The following PRKCE variants were observed in gnomAD, a reference collection of about 807,000 sequenced individuals.
PRKCE encodes protein kinase C epsilon type.
In PRKCE, 16 loss-of-function variants were observed where a neutral mutation model predicts 85.4. The ratio of observed to expected loss-of-function variants is 0.19; its 90% CI spans 0.13 to 0.28. The LOEUF (loss-of-function observed/expected upper bound fraction) is 0.28. PRKCE is among the 10% of genes least tolerant of loss of function. The pLI, the probability that PRKCE is intolerant of heterozygous loss-of-function variation, is 1.00. For missense variants in PRKCE, 573 were observed against 975.2 expected, an observed-to-expected ratio of 0.59 and a Z score of 5.49; for synonymous variants, 388 against 371.5, an observed-to-expected ratio of 1.04 and a Z score of -0.51.
intron 14 of PRKCE, among the ~76,000 whole-genome samples, chr2:46,178,135 C>T (rs1002905663): frequency 1.3e-5 from 2 of 152,218 alleles, no homozygotes; most frequent in African/African-American, 4.8e-5. Context: ...TGGCACATGC[C>T]TGTAATCCCA....
At chr2:45,986,288 G>T (rs1327704169) in intron 6 of PRKCE, among the ~76,000 whole-genome samples, 1 of 152,238 alleles carries the variant, frequency 6.6e-6, no homozygotes, top group African/African-American at 2.4e-5. Flanking sequence ...GAGCCCAAGT[G>T]CTGTAGGCTA....
chr2:45,684,846 TG>T (rs1677176772), intron 1 of PRKCE, among the ~76,000 whole-genome samples: 1 of 152,172 alleles, frequency 6.6e-6, no homozygotes, highest in Non-Finnish European at 1.5e-5. Flanking sequence ...CAACCCCATT[TG>T]TAATTTGCAA....
chr2:46,092,722 C>T (rs559251052), intron 11 of PRKCE, among the ~76,000 whole-genome samples: 2 of 152,280 alleles, frequency 1.3e-5, no homozygotes, highest in African/African-American at 4.8e-5. Flanking sequence ...TAGCTGTGCC[C>T]TCCAAACCAG....
chr2:45,735,880 A>C (rs1012247790), intron 1 of PRKCE, among the ~76,000 whole-genome samples: 1 of 152,214 alleles, frequency 6.6e-6, no homozygotes, highest in Non-Finnish European at 1.5e-5. Flanking sequence ...ATTAATGCTA[A>C]TTTGACAACT....
rs1437162977 is a variant in PRKCE, at chr2:45,907,922, A to G, written c.412+64859A>G. On this transcript the variant is annotated intron_variant, in intron 2 of 14. Coordinates refer to ENST00000306156, the MANE Select transcript of PRKCE (RefSeq NM_005400.3). This position sits in a 1 kb window ranked among gnomAD's most constrained non-coding sequence, Gnocchi z 4.5. ...AACGCCTTGTCCAGAATGATCTCCC[A>G]TGCCCCTCCCAGTTTTCACCTTCTA... is the stretch of plus-strand genomic sequence containing the variant. Among the ~76,000 whole-genome samples, 2 of 152,164 alleles carry G rather than the reference A, an allele frequency of 1.3e-5. No homozygotes were observed. The highest frequency in any genetic ancestry group is 6.5e-5 in the Admixed American group (1 of 15,272).
At chr2:46,059,805 C>T (rs1429132462) in intron 10 of PRKCE, among the ~76,000 whole-genome samples, 1 of 152,164 alleles carries the variant, frequency 6.6e-6, no homozygotes, top group African/African-American at 2.4e-5. Context: ...TATAGTGAGA[C>T]CCCTGTCTCT....
chr2:45,960,015 C>A (rs905547274), intron 2 of PRKCE, among the ~76,000 whole-genome samples: 1 of 152,226 alleles, frequency 6.6e-6, no homozygotes, highest in African/African-American at 2.4e-5. Flanking sequence ...CTCTTCCTAT[C>A]TGCTAATCAT....
chr2:46,002,171 A>C (rs1196557909), intron 7 of PRKCE, among the ~76,000 whole-genome samples: 1 of 152,246 alleles, frequency 6.6e-6, no homozygotes, highest in Non-Finnish European at 1.5e-5. Context: ...AGATGTAAAC[A>C]GGGGGAAAGG....
Position 45,781,254 on chromosome 2 carries a change from T to C in PRKCE, c.349-61746T>C, listed in dbSNP as rs1166016912. Among the ~76,000 whole-genome samples the C allele has an allele frequency of 3.3e-5, 5 of 152,234 alleles. No individual in the cohort carries two copies. The East Asian group carries it at 9.6e-4, about 29-fold the overall frequency. Reference sequence around the variant, plus strand: ...TGGGAGGTTGAGGTGGGAGGATTGCTTGAGCCCATGAGGTTGAGGCTGCAG... The same window carrying C: ...TGGGAGGTTGAGGTGGGAGGATTGCCTGAGCCCATGAGGTTGAGGCTGCAG... On this transcript the variant is annotated intron_variant, in intron 1 of 14. Transcript: ENST00000306156.
At chr2:45,901,338 C>T (rs1029618285) in intron 2 of PRKCE, among the ~76,000 whole-genome samples, 5 of 152,314 alleles carry the variant, frequency 3.3e-5, no homozygotes, top group Middle Eastern at 3.4e-3. Flanking sequence ...CAAGGCCAAA[C>T]GCTCCGACCT....
chr2:46,095,309 T>C (rs956415859), intron 11 of PRKCE, among the ~76,000 whole-genome samples: 2 of 152,196 alleles, frequency 1.3e-5, no homozygotes, highest in Non-Finnish European at 2.9e-5. Context: ...AGGAACCAAG[T>C]GAAGCCAGAT....
At chr2:45,992,488 C>T (rs575609594) in intron 6 of PRKCE, among the ~76,000 whole-genome samples, 1 of 152,224 alleles carries the variant, frequency 6.6e-6, no homozygotes, top group Non-Finnish European at 1.5e-5. Context: ...GTCGTTCACT[C>T]TCACACCCCT....
intron 1 of PRKCE, chr2:45,677,869 T>G: frequency 1.0e-6 from 1 of 985,456 alleles, no homozygotes; most frequent in Non-Finnish European, 1.2e-6. Flanking sequence ...AAAAAGACGA[T>G]GGAAAGGCCA....
intron 10 of PRKCE, among the ~76,000 whole-genome samples, chr2:46,017,794 A>G (rs1706292048): frequency 6.6e-6 from 1 of 152,174 alleles, no homozygotes; most frequent in Admixed American, 6.5e-5. Context: ...GCATTTCCCT[A>G]GTGATTTGTG....
chr2:45,844,441 A>T (rs897444709), intron 2 of PRKCE, among the ~76,000 whole-genome samples: 1 of 152,244 alleles, frequency 6.6e-6, no homozygotes, highest in Non-Finnish European at 1.5e-5. Flanking sequence ...TTCACATGAA[A>T]TATTTAAGAC....
intron 1 of PRKCE, among the ~76,000 whole-genome samples, chr2:45,696,386 C>G (rs1012159192): frequency 5.9e-5 from 9 of 151,958 alleles, no homozygotes; most frequent in African/African-American, 2.2e-4. Context: ...TTGCCAGGGC[C>G]CCAAAAGAGC....
At chr2:45,832,731 C>T (rs371467330) in intron 1 of PRKCE, among the ~76,000 whole-genome samples, 1 of 152,174 alleles carries the variant, frequency 6.6e-6, no homozygotes, top group Admixed American at 6.5e-5. Flanking sequence ...CTCAAGGTAC[C>T]TATTGGAAGC....
intron 1 of PRKCE, among the ~76,000 whole-genome samples, chr2:45,802,475 G>C (rs1481751526): frequency 6.6e-6 from 1 of 152,124 alleles, no homozygotes; most frequent in South Asian, 2.1e-4. Context: ...TGTAATTGAT[G>C]TGAATGTGTT....
At chr2:45,801,770 A>C (rs933041274) in intron 1 of PRKCE, among the ~76,000 whole-genome samples, 1 of 152,136 alleles carries the variant, frequency 6.6e-6, no homozygotes, top group African/African-American at 2.4e-5. Context: ...CTGGCTGTCC[A>C]TGGGACAGGT....
Sources: allele counts gnomAD v4.1 joint callset (sites outside exome capture counted in the v4.1 genomes callset), GRCh38; gene constraint gnomAD v4.1.1; non-coding constraint Gnocchi (gnomAD v3.1); transcripts MANE v1.5; gene names NCBI Gene and HGNC (gene_info 2026-07-23, HGNC 2026-07-21).